Variants in XKR4 observed in about 807,000 individuals in gnomAD.
The protein encoded by XKR4 is XK-related protein 4.
In XKR4, 12 loss-of-function variants were observed where a neutral mutation model predicts 53.9. The ratio of observed to expected loss-of-function variants is 0.22; its 90% CI spans 0.14 to 0.36. The LOEUF (loss-of-function observed/expected upper bound fraction) is 0.36. Ranked by LOEUF, XKR4 falls within the 10% of genes least tolerant of loss-of-function variation. The pLI, the probability that XKR4 is intolerant of heterozygous loss-of-function variation, is 1.00. For missense variants in XKR4, 799 were observed against 859.5 expected, an observed-to-expected ratio of 0.93 and a Z score of 0.88; for synonymous variants, 354 against 362.4, an observed-to-expected ratio of 0.98 and a Z score of 0.26.
At chr8:55,367,353 ATC>A (rs1455732816) in intron 2 of XKR4, among the ~76,000 whole-genome samples, 1 of 152,132 alleles carries the variant, frequency 6.6e-6, no homozygotes, top group Non-Finnish European at 1.5e-5. Context: ...GTAAGAATAA[ATC>A]TCTGTCCATT....
intron 2 of XKR4, among the ~76,000 whole-genome samples, chr8:55,507,397 A>G (rs867880229): frequency 6.6e-6 from 1 of 151,970 alleles, no homozygotes. Flanking sequence ...CATGTGCACA[A>G]TGTGCAGGTT....
In XKR4 at chr8:55,385,162, A is replaced by G. The variant is rs370460479; in HGVS notation, c.1006+27285A>G. Among the ~76,000 whole-genome samples, 24 of 152,302 alleles carry G rather than the reference A, an allele frequency of 1.6e-4. No individual in the cohort carries two copies. The East Asian group carries it at 1.7e-3, about 11-fold the overall frequency. ...GAAAGATATAGGAGTCATTGACAAC[A>G]TCATATGCTGGTTCTGAAGGCCTTA... On this transcript the variant is annotated intron_variant, in intron 2 of 2. Coordinates refer to ENST00000327381, the MANE Select transcript of XKR4 (RefSeq NM_052898.2).
In XKR4 at chr8:55,525,415, G is replaced by C. The variant is rs1266181611; in HGVS notation, c.*1188G>C. The stretch of plus-strand genomic sequence containing the variant: ...GGTCAAAGTGATGTGTCTTTTAGAG[G>C]CTTTGGGACACTTTTTAGTAAGTAT... On this transcript the variant is annotated 3_prime_UTR_variant, in exon 3 of 3. Coordinates refer to ENST00000327381, the MANE Select transcript of XKR4 (RefSeq NM_052898.2). 1 of 152,616 alleles carries C rather than the reference G, an allele frequency of 6.6e-6. No individual in the cohort carries two copies. The highest frequency in any genetic ancestry group is 1.5e-5 in the Non-Finnish European group (1 of 68,046). 9.5% of individuals were successfully genotyped at this position (152,616 alleles called of 1,614,324 possible).
intron 2 of XKR4, among the ~76,000 whole-genome samples, chr8:55,499,209 G>T (rs2129403227): frequency 6.6e-6 from 1 of 152,288 alleles, no homozygotes; most frequent in Non-Finnish European, 1.5e-5. Flanking sequence ...GAAACCCACA[G>T]GCTATGCTAA....
intron 1 of XKR4, among the ~76,000 whole-genome samples, chr8:55,161,274 A>G (rs1437110386): frequency 6.6e-6 from 1 of 152,210 alleles, no homozygotes; most frequent in Non-Finnish European, 1.5e-5. Flanking sequence ...GCTTTAACAG[A>G]CACAGTTATT....
In XKR4 at chr8:55,358,229, CTG is replaced by C. The variant is rs780649220; in HGVS notation, c.1006+354_1006+355del. On this transcript the variant is annotated intron_variant, in intron 2 of 2. Coordinates refer to ENST00000327381, the MANE Select transcript of XKR4 (RefSeq NM_052898.2). ...CAAAGAAAGCAGTAACTCTCTCTCT[CTG>C]TCTCTAATATACATATGTGTGTATG... Among the ~76,000 whole-genome samples the C allele has an allele frequency of 4.5e-4, 68 of 152,202 alleles. No homozygotes were observed. In the East Asian group the frequency reaches 0.01, roughly 23 times the overall value.
chr8:55,385,780 A>C (rs1297699596), intron 2 of XKR4, among the ~76,000 whole-genome samples: 2 of 152,224 alleles, frequency 1.3e-5, no homozygotes, highest in African/African-American at 4.8e-5. Context: ...CATTGCACTC[A>C]TATGCAAATA....
chr8:55,422,881 G>A (rs558248396), intron 2 of XKR4, among the ~76,000 whole-genome samples: 1 of 152,158 alleles, frequency 6.6e-6, no homozygotes, highest in Non-Finnish European at 1.5e-5. Context: ...CAATGGGAGA[G>A]GGGAAGATAA....
At chr8:55,339,867 C>CA (rs200070501) in intron 1 of XKR4, among the ~76,000 whole-genome samples, 9,009 of 150,772 alleles carry the variant, frequency 0.06, 394 homozygotes, top group Non-Finnish European at 0.089. Flanking sequence ...ATGTTTTTTC[C>CA]AAAAAAAACA....
intron 1 of XKR4, among the ~76,000 whole-genome samples, chr8:55,310,622 T>C (rs1406953789): frequency 1.3e-5 from 2 of 152,206 alleles, no homozygotes. Context: ...CTGCCATTGG[T>C]TCCCTGAGTA....
intron 1 of XKR4, among the ~76,000 whole-genome samples, chr8:55,308,748 T>G (rs1586002562): frequency 6.6e-6 from 1 of 152,336 alleles, no homozygotes; most frequent in East Asian, 1.9e-4. Context: ...GAAACTGGAA[T>G]CAGCCCAGAC....
At chr8:55,106,454 A>G (rs1488807562) in intron 1 of XKR4, among the ~76,000 whole-genome samples, 2 of 152,164 alleles carry the variant, frequency 1.3e-5, no homozygotes, top group Non-Finnish European at 2.9e-5. Context: ...CTACCATGTG[A>G]AAAGAGCAAT....
chr8:55,330,999 T>A (rs1240846176), intron 1 of XKR4, among the ~76,000 whole-genome samples: 2 of 152,140 alleles, frequency 1.3e-5, no homozygotes, highest in Admixed American at 6.5e-5. Context: ...ATTTTAATCA[T>A]TTTCAAGTAT....
At chr8:55,240,898 A>G (rs1008474713) in intron 1 of XKR4, among the ~76,000 whole-genome samples, 10 of 152,182 alleles carry the variant, frequency 6.6e-5, no homozygotes, top group African/African-American at 2.2e-4. Flanking sequence ...TTCCAGTGTT[A>G]TACTCTGGTT....
intron 1 of XKR4, among the ~76,000 whole-genome samples, chr8:55,346,761 T>C (rs1286423163): frequency 6.7e-6 from 1 of 150,036 alleles, no homozygotes; most frequent in East Asian, 2.0e-4. Flanking sequence ...CAGAAGAAAA[T>C]ATCACTTGCT....
chr8:55,118,742 T>C (rs1182877078), intron 1 of XKR4, among the ~76,000 whole-genome samples: 3 of 152,242 alleles, frequency 2.0e-5, no homozygotes, highest in African/African-American at 7.2e-5. Flanking sequence ...CTGGTCCTTA[T>C]TTTAATTTCT....
intron 2 of XKR4, among the ~76,000 whole-genome samples, chr8:55,458,314 G>A (rs927190310): frequency 2.0e-5 from 3 of 152,242 alleles, no homozygotes; most frequent in Non-Finnish European, 4.4e-5. Flanking sequence ...GGGAGGGGAA[G>A]CATGCAGGTG....
chr8:55,240,535 T>A (rs1193039548), intron 1 of XKR4, among the ~76,000 whole-genome samples: 1 of 146,908 alleles, frequency 6.8e-6, no homozygotes, highest in African/African-American at 2.4e-5. Context: ...TCAAGTGGAA[T>A]GGGAGATTAA....
intron 2 of XKR4, among the ~76,000 whole-genome samples, chr8:55,445,069 T>G (rs1293823337): frequency 1.3e-5 from 2 of 152,210 alleles, no homozygotes; most frequent in African/African-American, 2.4e-5. Context: ...GTTTTTGTTT[T>G]TGTTTTGAAA....
Sources: gnomAD v4.1 joint callset for allele counts (sites outside exome capture counted in the v4.1 genomes callset) on GRCh38, gnomAD v4.1.1 for gene constraint, MANE v1.5 for transcripts, NCBI Gene and HGNC (gene_info 2026-07-23, HGNC 2026-07-21) for gene names.